The following PRKN variants were observed in gnomAD, a reference collection of about 807,000 sequenced individuals.
The protein encoded by PRKN is parkin RBR E3 ubiquitin protein ligase, also known as E3 ubiquitin-protein ligase parkin.
In PRKN, 56 loss-of-function variants were observed where a neutral mutation model predicts 59.5. The ratio of observed to expected loss-of-function variants is 0.94; its 90% CI spans 0.76 to 1.18. The LOEUF (loss-of-function observed/expected upper bound fraction) is 1.18. Ranked by LOEUF, PRKN falls within the 50% of genes most tolerant of loss-of-function variation. PRKN has a pLI of 0.00. For synonymous variants in PRKN, 250 were observed against 222.1 expected (o/e 1.13, Z -1.12); for missense variants, 657 against 596.4 (o/e 1.10, Z -1.06).
At chr6:161,577,727 T>C (rs1379228134) in intron 7 of PRKN, among the ~76,000 whole-genome samples, 1 of 152,202 alleles carries the variant, frequency 6.6e-6, no homozygotes, top group Non-Finnish European at 1.5e-5. Flanking sequence ...TCATAATTTA[T>C]ATTAAAATTG....
At chr6:161,585,559 TTAAA>T (rs554469368) in intron 7 of PRKN, among the ~76,000 whole-genome samples, 17 of 152,336 alleles carry the variant, frequency 1.1e-4, no homozygotes, top group Non-Finnish European at 2.4e-4. Context: ...AACAATTAAG[TTAAA>T]TAGTGATTGT....
At chr6:162,021,182 TA>T in intron 5 of PRKN, among the ~76,000 whole-genome samples, 1 of 59,676 alleles carries the variant, frequency 1.7e-5, no homozygotes, top group Non-Finnish European at 3.8e-5. Context: ...TATGTGTATA[TA>T]TATTATATAT....
chr6:162,285,458 G>A lies in PRKN; in HGVS notation c.172-22693C>T, dbSNP rs535802224. 9.9e-4 allele frequency among the ~76,000 whole-genome samples: 150 copies of A among 151,872 alleles called. 1 individual carries two copies. The highest frequency in any genetic ancestry group is 3.5e-3 in the African/African-American group (143 of 41,418). On this transcript the variant is annotated intron_variant, in intron 2 of 11. Transcript: ENST00000366898. ...TGTATCAAAGAAATAAAGAAATGTA[G>A]GATGACATGGGGTTATTCATTTCTG... is the stretch of plus-strand genomic sequence containing the variant.
intron 5 of PRKN, among the ~76,000 whole-genome samples, chr6:162,004,103 G>T (rs1782160424): frequency 6.6e-6 from 1 of 152,150 alleles, no homozygotes; most frequent in Non-Finnish European, 1.5e-5. Flanking sequence ...GTAATCCCCA[G>T]TGTTGGAGGT....
At chr6:162,097,399 T>G (rs1779791488) in intron 4 of PRKN, among the ~76,000 whole-genome samples, 1 of 152,208 alleles carries the variant, frequency 6.6e-6, no homozygotes, top group Admixed American at 6.5e-5. Flanking sequence ...CACACACTCA[T>G]TTGACAAATG....
chr6:162,104,044 C>G (rs1040277945), intron 4 of PRKN, among the ~76,000 whole-genome samples: 1 of 152,176 alleles, frequency 6.6e-6, no homozygotes, highest in Non-Finnish European at 1.5e-5. Context: ...AAGGAGAGGC[C>G]TTCTGCAGTG....
chr6:162,723,731 A>C (rs1342303660), intron 1 of PRKN, among the ~76,000 whole-genome samples: 1 of 152,224 alleles, frequency 6.6e-6, no homozygotes, highest in Non-Finnish European at 1.5e-5. Context: ...CTATGCTTAC[A>C]TGTGCAAGTA....
chr6:161,607,487 T>C (rs561971553), intron 7 of PRKN, among the ~76,000 whole-genome samples: 2 of 151,926 alleles, frequency 1.3e-5, no homozygotes, highest in Non-Finnish European at 2.9e-5. Flanking sequence ...AAGATAATGG[T>C]ATAAAGAAAA....
intron 2 of PRKN, among the ~76,000 whole-genome samples, chr6:162,279,359 A>AAG (rs904416679): frequency 2.4e-4 from 36 of 150,960 alleles, no homozygotes; most frequent in Non-Finnish European, 3.4e-4. Context: ...GAAAGAAAGA[A>AAG]AGAGAGAGAG....
At chr6:162,476,873 C>T (rs1235435973) in intron 1 of PRKN, among the ~76,000 whole-genome samples, 1 of 152,100 alleles carries the variant, frequency 6.6e-6, no homozygotes, top group African/African-American at 2.4e-5. Context: ...GAGAGAGAGT[C>T]TTTAATTGGC....
At chr6:161,500,302 A>G (rs73591636) in intron 9 of PRKN, among the ~76,000 whole-genome samples, 3,211 of 152,232 alleles carry the variant, frequency 0.021, 126 homozygotes, top group African/African-American at 0.073. Flanking sequence ...CAAAATGTAC[A>G]TTGACACATC....
At chr6:162,214,285 T>G (rs917716294) in intron 3 of PRKN, among the ~76,000 whole-genome samples, 6 of 152,092 alleles carry the variant, frequency 3.9e-5, no homozygotes, top group African/African-American at 1.4e-4. Flanking sequence ...ATCTTTTCTA[T>G]CTCCAGTATC....
intron 8 of PRKN, among the ~76,000 whole-genome samples, chr6:161,565,882 C>T (rs747739895): frequency 1.3e-5 from 2 of 152,156 alleles, no homozygotes; most frequent in African/African-American, 2.4e-5. Flanking sequence ...AATGCTCATA[C>T]GTCTGTGCCT....
In PRKN at chr6:161,466,459, C is replaced by T. The variant is rs1790482314; in HGVS notation, c.1084-79582G>A. 1.3e-5 allele frequency among the ~76,000 whole-genome samples: 2 copies of T among 152,116 alleles called. No homozygotes were observed. The highest frequency in any genetic ancestry group is 6.5e-5 in the Admixed American group (1 of 15,278). Reference sequence around the variant, plus strand: ...GAAAATAGTTTTATCATTTCTCCTCCAGTCAACTAGTTTCTATTTTTGCAC... The same window carrying T: ...GAAAATAGTTTTATCATTTCTCCTCTAGTCAACTAGTTTCTATTTTTGCAC... On this transcript the variant is annotated intron_variant, in intron 9 of 11. Coordinates refer to ENST00000366898, the MANE Select transcript of PRKN (RefSeq NM_004562.3). The surrounding 1 kb of genome is among the most constrained non-coding windows in gnomAD (Gnocchi z 5.0).
intron 7 of PRKN, among the ~76,000 whole-genome samples, chr6:161,577,255 A>C (rs536903393): frequency 6.6e-6 from 1 of 152,334 alleles, no homozygotes; most frequent in East Asian, 1.9e-4. Flanking sequence ...AGATGGCGAA[A>C]TCGAGGCAGA....
In PRKN at chr6:162,437,982, AT is replaced by A. The variant is rs368798894; in HGVS notation, c.171+5327del. Among the ~76,000 whole-genome samples the A allele has an allele frequency of 1.6e-4, 25 of 152,292 alleles. No homozygotes were observed. In the East Asian group the frequency reaches 4.6e-3, roughly 28 times the overall value. On this transcript the variant is annotated intron_variant, in intron 2 of 11. Transcript: ENST00000366898. Reference sequence around the variant, plus strand: ...CTGTCATCTGGTAAATACATATGTCATTTTTTATGAAACTGCTATATTCTTT... The same window carrying A: ...CTGTCATCTGGTAAATACATATGTCATTTTTATGAAACTGCTATATTCTTT...
intron 4 of PRKN, among the ~76,000 whole-genome samples, chr6:162,090,683 G>A (rs1219157123): frequency 5.3e-5 from 8 of 152,102 alleles, no homozygotes; most frequent in Admixed American, 4.6e-4. Context: ...CTAAAGAGCC[G>A]TGATAACTTT....
In PRKN at chr6:161,560,380, G is replaced by T. The variant is rs1415823176; in HGVS notation, c.933+8975C>A. On this transcript the variant is annotated intron_variant, in intron 8 of 11. Transcript: ENST00000366898. The surrounding 1 kb of genome is among the most constrained non-coding windows in gnomAD (Gnocchi z 4.9). ...TGGCTCCTTAACGACGCCCCCAAAT[G>T]CTTGGGTTCCTCTCCCTTGCAAAAC... 1.3e-5 allele frequency among the ~76,000 whole-genome samples: 2 copies of T among 152,022 alleles called. No individual in the cohort carries two copies. Among genetic ancestry groups the T allele is most frequent in the African/African-American group, 4.8e-5 (2 of 41,392 alleles).
At position 161,469,547 on chromosome 6, in the gene PRKN, A is replaced by AAG. The variant is rs60364166; in HGVS notation, c.1083+79305_1083+79306dup. ...CCAGGTGGGTCCAGTGAACAAGAGA[A>AAG]AGAGAGAGAGAGAGAGAGAGAGAGA... On this transcript the variant is annotated intron_variant, in intron 9 of 11. Transcript: ENST00000366898. Among the ~76,000 whole-genome samples, 997 of 117,876 alleles carry AAG rather than the reference A, an allele frequency of 8.5e-3. 2 individuals are homozygous for AAG. The highest frequency in any genetic ancestry group is 0.016 in the Admixed American group (207 of 12,614). The allele number at this position is 117,876 out of a possible 152,430, so 77.3% of individuals were successfully genotyped here.
Sources: allele counts gnomAD v4.1 joint callset (sites outside exome capture counted in the v4.1 genomes callset), GRCh38; gene constraint gnomAD v4.1.1; non-coding constraint Gnocchi (gnomAD v3.1); transcripts MANE v1.5; gene names NCBI Gene and HGNC (gene_info 2026-07-23, HGNC 2026-07-21).